DNAH11: variants seen among roughly 807,000 people sequenced by gnomAD.
DNAH11 encodes the protein axonemal beta dynein heavy chain 11.
In DNAH11, 442 loss-of-function variants were observed where a neutral mutation model predicts 526.0. The ratio of observed to expected loss-of-function variants is 0.84; its 90% CI spans 0.78 to 0.91. DNAH11 has a LOEUF of 0.91. Ranked by LOEUF, DNAH11 falls within the 40% of genes least tolerant of loss-of-function variation. The pLI is 0.00. For missense variants in DNAH11, 6,989 were observed against 5,448.7 expected (o/e 1.28, Z -8.90); for synonymous variants, 2,461 against 1,935.9 (o/e 1.27, Z -7.12).
chr7:21,588,404 G>A (rs1784548389), intron 10 of DNAH11, 108 bp from the exon 11 acceptor site: 1 of 1,430,792 alleles, frequency 7.0e-7, no homozygotes, highest in African/African-American at 1.4e-5. Flanking sequence ...AAACACATAT[G>A]TTTTATACTA....
At chr7:21,582,319 G>C (rs1411783883) in intron 9 of DNAH11, among the ~76,000 whole-genome samples, 1 of 152,168 alleles carries the variant, frequency 6.6e-6, no homozygotes, top group East Asian at 1.9e-4. Flanking sequence ...TCAAAATTAA[G>C]TCACAGTGAA....
At position 21,744,543 on chromosome 7, in the gene DNAH11, A is replaced by T; in HGVS notation, c.8260A>T (p.Lys2754Ter). 6.2e-7 allele frequency: 1 copy of T among 1,613,494 alleles called. No homozygotes were observed. Among genetic ancestry groups the T allele is most frequent in the Non-Finnish European group, 8.5e-7 (1 of 1,179,768 alleles). ...RVYGDKLIDK[K>*]DCDLFQRRML... The stretch of plus-strand genomic sequence containing the variant: ...TTATGGAGACAAACTGATAGACAAA[A>T]AAGATTGTGATTTGTTTCAGAGAAG... Residue 2754 changes from lysine to a stop codon, truncating the protein, a stop_gained, in exon 50 of 82, where the codon AAA becomes TAA. Transcript: ENST00000409508. LOFTEE classifies it high-confidence loss of function.
rs780833941 is a variant in DNAH11, at chr7:21,741,941, G to C, written c.7929G>C (p.Val2643=). ...TTTCTTTTCAGAGACATTTCACAGT[G>C]TTTGCATTCAATTTTCCATCTTTGG... ...INPRLQRHFT[V]FAFNFPSLDA... The change falls in exon 49 of 82, where the codon GTG becomes GTC. Residue 2643 remains valine (V), a synonymous_variant. Coordinates refer to ENST00000409508, the MANE Select transcript of DNAH11 (RefSeq NM_001277115.2). 1 of 1,613,758 alleles carries C rather than the reference G, an allele frequency of 6.2e-7. No individual in the cohort carries two copies. The highest frequency in any genetic ancestry group is 8.5e-7 in the Non-Finnish European group (1 of 1,179,818).
At chr7:21,568,159 GTTAATTGATCATTAGC>G (rs1000856829) in intron 6 of DNAH11, among the ~76,000 whole-genome samples, 31 of 152,288 alleles carry the variant, frequency 2.0e-4, no homozygotes, top group African/African-American at 6.5e-4. Context: ...TGGTAAATTG[GTTAATTGATCATTAGC>G]TTATTGATAA....
chr7:21,564,130 TA>T, intron 5 of DNAH11, 55 bp from the exon 6 acceptor site: 1 of 1,277,356 alleles, frequency 7.8e-7, no homozygotes, highest in African/African-American at 1.6e-5. Context: ...AAAGTGAATT[TA>T]GAAAAAAAAA....
Position 21,543,249 on chromosome 7 carries a change from G to A in DNAH11, c.4G>A (p.Ala2Thr). The A allele has an allele frequency of 6.5e-7, 1 of 1,533,512 alleles. No individual in the cohort carries two copies. The highest frequency in any genetic ancestry group is 8.8e-7 in the Non-Finnish European group (1 of 1,139,554). The allele number at this position is 1,533,512 out of a possible 1,614,324, so 95.0% of individuals were successfully genotyped here. A position where few individuals can be genotyped will look rare whatever the true frequency, so the allele number is the denominator to read the frequency against. Residue 2 changes from alanine to threonine, a missense_variant, in exon 1 of 82, where the codon GCA (alanine) becomes ACA (threonine). Physicochemically the swap from Ala to Thr is moderately conservative, Grantham distance 58. Coordinates refer to ENST00000409508, the MANE Select transcript of DNAH11 (RefSeq NM_001277115.2). Reference protein sequence around the residue: MAAQVAAREARD... With the variant: MTAQVAAREARD... ...CGTTCCCTCGGACGGTTGCCCAATGGCAGCCCAGGTGGCAGCCCGGGAGGC... is the reference window on the plus strand; with the variant it reads ...CGTTCCCTCGGACGGTTGCCCAATGACAGCCCAGGTGGCAGCCCGGGAGGC...
intron 18 of DNAH11, 80 bp from the exon 19 acceptor site, chr7:21,606,346 A>G: frequency 8.5e-7 from 1 of 1,176,504 alleles, no homozygotes; most frequent in Admixed American, 2.7e-5. Flanking sequence ...AAAAGAAAGA[A>G]ATTAGAGTCA....
chr7:21,707,954 A>G (rs1784333191), intron 40 of DNAH11, 119 bp downstream of exon 40: 3 of 1,047,242 alleles, frequency 2.9e-6, no homozygotes, highest in Admixed American at 3.1e-5. Flanking sequence ...GCATTATTGG[A>G]AATATAGCAG....
chr7:21,689,184 G>T (rs1783510902), intron 34 of DNAH11, among the ~76,000 whole-genome samples: 1 of 152,096 alleles, frequency 6.6e-6, no homozygotes, highest in African/African-American at 2.4e-5. Flanking sequence ...TCAGTTATTT[G>T]TTCTTAGATC....
chr7:21,596,093 T>G (rs1022053902), intron 14 of DNAH11, among the ~76,000 whole-genome samples: 2 of 152,242 alleles, frequency 1.3e-5, no homozygotes, highest in Non-Finnish European at 2.9e-5. Flanking sequence ...TTCTGTTGAC[T>G]TCCAGTGTTT....
At chr7:21,665,022 C>T (rs910131315) in intron 30 of DNAH11, among the ~76,000 whole-genome samples, 1 of 151,992 alleles carries the variant, frequency 6.6e-6, no homozygotes, top group African/African-American at 2.4e-5. Flanking sequence ...CTCATCATAC[C>T]TCTCTGCTTT....
At position 21,727,770 on chromosome 7, in the gene DNAH11, A is replaced by G. The variant is rs142285105; in HGVS notation, c.7440+1786A>G. On this transcript the variant is annotated intron_variant, in intron 45 of 81. Transcript: ENST00000409508. ...AAAGCCCAGTGCATTCATTTCCTGG[A>G]GCTGCCATAACAAAAGACCAAAGAC... Among the ~76,000 whole-genome samples the G allele has an allele frequency of 2.4e-3, 369 of 152,278 alleles. 3 individuals are homozygous for G. The highest frequency in any genetic ancestry group is 8.4e-3 in the African/African-American group (348 of 41,536).
At chr7:21,621,843 C>T (rs890612115) in intron 25 of DNAH11, among the ~76,000 whole-genome samples, 4 of 152,098 alleles carry the variant, frequency 2.6e-5, no homozygotes, top group African/African-American at 9.7e-5. Flanking sequence ...CTATCTATGA[C>T]AAACCCACAG....
chr7:21,870,035 A>G lies in DNAH11; in HGVS notation c.11967+1044A>G, dbSNP rs151244899. ...CATGCAAAGGTTCTCGTCAGTAGGC[A>G]ATTCACAGGCTGCCTTATCTGGAAT... On this transcript the variant is annotated intron_variant, in intron 73 of 81. Transcript: ENST00000409508. Among the ~76,000 whole-genome samples, 30 of 152,292 alleles carry G rather than the reference A, an allele frequency of 2.0e-4. 1 individual carries two copies. In the East Asian group the frequency reaches 5.4e-3, roughly 27 times the overall value.
At chr7:21,610,323 T>G (rs1185435119) in intron 20 of DNAH11, among the ~76,000 whole-genome samples, 1 of 152,078 alleles carries the variant, frequency 6.6e-6, no homozygotes, top group East Asian at 1.9e-4. Flanking sequence ...CTCACAAGGG[T>G]CTATGGTCCG....
rs541527469 is a variant in DNAH11 at position 21,707,038 on chromosome 7, G to A, written c.6547-661G>A. Among the ~76,000 whole-genome samples the A allele has an allele frequency of 9.9e-5, 15 of 152,268 alleles. No homozygotes were observed. In the South Asian group the frequency reaches 3.1e-3, roughly 32 times the overall value. On this transcript the variant is annotated intron_variant, in intron 39 of 81. Transcript: ENST00000409508. Reference sequence around the variant, plus strand: ...GGACTGGATAACTCTGCTGTAGGAGGCTATCCTGCTCATTGAAAGATATTT... The same window carrying A: ...GGACTGGATAACTCTGCTGTAGGAGACTATCCTGCTCATTGAAAGATATTT...
chr7:21,858,038 T>A lies in DNAH11; in HGVS notation c.11202+3583T>A, dbSNP rs74646396. Among the ~76,000 whole-genome samples the A allele has an allele frequency of 0.01, 1,568 of 152,188 alleles. 131 individuals carry two copies. In the East Asian group the frequency reaches 0.19, roughly 19 times the overall value. On this transcript the variant is annotated intron_variant, in intron 68 of 81. Coordinates refer to ENST00000409508, the MANE Select transcript of DNAH11 (RefSeq NM_001277115.2). ...CAATACATATATATAAAACAAAGAATTTGTATCAGGATATAAAAAGAACTT... is the reference window on the plus strand; with the variant it reads ...CAATACATATATATAAAACAAAGAAATTGTATCAGGATATAAAAAGAACTT...
intron 68 of DNAH11, among the ~76,000 whole-genome samples, chr7:21,858,567 G>A (rs756432116): frequency 2.0e-5 from 3 of 152,150 alleles, no homozygotes; most frequent in African/African-American, 4.8e-5. Flanking sequence ...ACACAACAAC[G>A]TGGATATGTC....
intron 65 of DNAH11, among the ~76,000 whole-genome samples, chr7:21,837,218 C>G (rs1292847411): frequency 1.3e-5 from 2 of 152,112 alleles, no homozygotes; most frequent in South Asian, 4.1e-4. Flanking sequence ...ACCGTATGAT[C>G]CAGCAGTTCT....
Sources: allele counts gnomAD v4.1 joint callset (sites outside exome capture counted in the v4.1 genomes callset), GRCh38; gene constraint gnomAD v4.1.1; transcripts MANE v1.5; gene names NCBI Gene and HGNC (gene_info 2026-07-23, HGNC 2026-07-21).